The following TBC1D22A variants were observed in gnomAD, a reference collection of about 807,000 sequenced individuals.
The protein encoded by TBC1D22A is putative GTPase activator.
Under a neutral mutation model 60.2 loss-of-function variants are expected in TBC1D22A, and 38 were observed. The observed-to-expected ratio is 0.63, with a 90% CI of 0.49 to 0.83. The LOEUF is 0.83. Among genes scored for constraint, TBC1D22A ranks in the 40% least tolerant of loss-of-function variants. The pLI is 0.00. For synonymous variants in TBC1D22A, 302 were observed against 281.7 expected (o/e 1.07, Z -0.72); for missense variants, 628 against 701.0 (o/e 0.90, Z 1.18).
intron 11 of TBC1D22A, among the ~76,000 whole-genome samples, chr22:47,079,083 A>C (rs1030022126): frequency 2.1e-5 from 2 of 96,818 alleles, no homozygotes; most frequent in African/African-American, 4.0e-5. Context: ...TGTAGAGCAG[A>C]CTTTTTTTTT....
chr22:46,767,761 G>C (rs1279202336), intron 1 of TBC1D22A, among the ~76,000 whole-genome samples: 1 of 152,130 alleles, frequency 6.6e-6, no homozygotes, highest in African/African-American at 2.4e-5. Flanking sequence ...AGGAGGCTGG[G>C]GAAGAGCGGT....
intron 9 of TBC1D22A, among the ~76,000 whole-genome samples, chr22:46,989,103 C>G (rs973343964): frequency 2.0e-5 from 3 of 152,214 alleles, no homozygotes; most frequent in East Asian, 1.9e-4. Context: ...TAGCTTCCAC[C>G]CTTTCTTCTG....
chr22:47,105,694 G>C (rs2065606371), intron 11 of TBC1D22A, among the ~76,000 whole-genome samples: 1 of 152,226 alleles, frequency 6.6e-6, no homozygotes, highest in African/African-American at 2.4e-5. Context: ...TAAAAATTTG[G>C]TTTAATGTAG....
chr22:46,948,070 C>G (rs1441715021), intron 8 of TBC1D22A, among the ~76,000 whole-genome samples: 1 of 152,150 alleles, frequency 6.6e-6, no homozygotes, highest in Non-Finnish European at 1.5e-5. Context: ...GGAAACATGC[C>G]TTTGGAGGGC....
At chr22:47,059,627 C>T (rs188930242) in intron 11 of TBC1D22A, among the ~76,000 whole-genome samples, 2 of 152,246 alleles carry the variant, frequency 1.3e-5, no homozygotes, top group East Asian at 3.9e-4. Flanking sequence ...TCCTGAAAGG[C>T]AGTTTTTTAA....
intron 4 of TBC1D22A, among the ~76,000 whole-genome samples, chr22:46,824,186 C>T (rs534131631): frequency 2.0e-5 from 3 of 152,268 alleles, no homozygotes; most frequent in Non-Finnish European, 4.4e-5. Context: ...CTACTTAGAG[C>T]GTCTCTCAGC....
chr22:46,827,944 G>C (rs1464120172), intron 4 of TBC1D22A, among the ~76,000 whole-genome samples: 1 of 152,198 alleles, frequency 6.6e-6, no homozygotes, highest in African/African-American at 2.4e-5. Context: ...TCCCCTTTGT[G>C]CTCCCCACCC....
intron 11 of TBC1D22A, among the ~76,000 whole-genome samples, chr22:47,077,365 C>T (rs2064268013): frequency 6.6e-6 from 1 of 152,166 alleles, no homozygotes; most frequent in South Asian, 2.1e-4. Context: ...TGGGATGTGA[C>T]TTACTTGTGG....
At chr22:47,160,913 A>G (rs1441983431) in intron 12 of TBC1D22A, among the ~76,000 whole-genome samples, 1 of 151,620 alleles carries the variant, frequency 6.6e-6, no homozygotes, top group Non-Finnish European at 1.5e-5. Context: ...GGAACCTCCT[A>G]GCCAGTCTTC....
intron 12 of TBC1D22A, among the ~76,000 whole-genome samples, chr22:47,154,243 C>T (rs1306522247): frequency 6.6e-6 from 1 of 152,168 alleles, no homozygotes; most frequent in East Asian, 1.9e-4. Flanking sequence ...CACCTCCTCA[C>T]ACTCTGCGCT....
intron 12 of TBC1D22A, among the ~76,000 whole-genome samples, chr22:47,145,948 ACTGGGGGCTGCGGCACGGGG>A (rs2067269205): frequency 6.7e-6 from 1 of 149,944 alleles, no homozygotes; most frequent in African/African-American, 2.5e-5. Context: ...GCAGGGGTTG[ACTGGGGGCTGCGGCACGGGG>A]ATGCACTGGA....
intron 4 of TBC1D22A, among the ~76,000 whole-genome samples, chr22:46,808,720 G>T (rs945918110): frequency 6.6e-6 from 1 of 152,008 alleles, no homozygotes; most frequent in Non-Finnish European, 1.5e-5. Flanking sequence ...TCAGCCTCCC[G>T]AGTAGCTGGG....
chr22:47,026,208 A>G (rs977783289), intron 10 of TBC1D22A, among the ~76,000 whole-genome samples: 2 of 152,226 alleles, frequency 1.3e-5, no homozygotes, highest in African/African-American at 4.8e-5. Flanking sequence ...TCAGTAAACA[A>G]GAACAGAAAG....
intron 11 of TBC1D22A, among the ~76,000 whole-genome samples, chr22:47,076,435 G>A (rs922054970): frequency 9.1e-5 from 13 of 142,784 alleles, no homozygotes; most frequent in African/African-American, 3.4e-4. Flanking sequence ...GTTTTCCCAT[G>A]GTGCATTTAA....
At position 46,881,462 on chromosome 22, in the gene TBC1D22A, C is replaced by A. The variant is rs555723923; in HGVS notation, c.708+2739C>A. ...ATCCCATTCTCTCAGGATCTTATTC[C>A]TGTGCTCCCAGTGCACTGCTGCCCT... On this transcript the variant is annotated intron_variant, in intron 5 of 12. Coordinates refer to ENST00000337137, the MANE Select transcript of TBC1D22A (RefSeq NM_014346.5). Among the ~76,000 whole-genome samples, 3 of 152,330 alleles carry A rather than the reference C, an allele frequency of 2.0e-5. No homozygotes were observed. In the South Asian group the frequency reaches 6.2e-4, roughly 32 times the overall value.
At chr22:47,173,019 C>A (rs962347758) in intron 12 of TBC1D22A, among the ~76,000 whole-genome samples, 1 of 152,240 alleles carries the variant, frequency 6.6e-6, no homozygotes, top group African/African-American at 2.4e-5. Context: ...TGCTGCGGTA[C>A]TTCCTGGGCT....
intron 12 of TBC1D22A, among the ~76,000 whole-genome samples, chr22:47,171,329 G>A (rs867817699): frequency 1.3e-5 from 2 of 152,296 alleles, no homozygotes; most frequent in Middle Eastern, 3.4e-3. Context: ...GTGGGGAAGG[G>A]CAGTTCCAGC....
intron 12 of TBC1D22A, among the ~76,000 whole-genome samples, chr22:47,146,277 C>T (rs1601666623): frequency 6.6e-6 from 1 of 152,326 alleles, no homozygotes; most frequent in African/African-American, 2.4e-5. Flanking sequence ...ACCTCCAAAC[C>T]CGTTCACGCT....
chr22:46,875,112 G>A (rs980922379), intron 4 of TBC1D22A, among the ~76,000 whole-genome samples: 19 of 152,296 alleles, frequency 1.2e-4, no homozygotes, highest in Middle Eastern at 3.4e-3. Flanking sequence ...CCACAAGAGC[G>A]TTCATCGCAG....
Sources: allele counts gnomAD v4.1 joint callset (sites outside exome capture counted in the v4.1 genomes callset), GRCh38; gene constraint gnomAD v4.1.1; transcripts MANE v1.5; gene names NCBI Gene and HGNC (gene_info 2026-07-23, HGNC 2026-07-21).